Variants in SGCD observed in about 807,000 individuals in gnomAD.
SGCD encodes the protein delta-sarcoglycan.
Under a neutral mutation model 36.6 loss-of-function variants are expected in SGCD, and 18 were observed. The ratio of observed to expected loss-of-function variants is 0.49; its 90% confidence interval spans 0.34 to 0.73. The LOEUF (loss-of-function observed/expected upper bound fraction) is 0.73, where lower values mean the gene tolerates loss of function less well. SGCD is among the 30% of genes least tolerant of loss of function. The pLI is 0.01. For synonymous variants in SGCD, 133 were observed against 130.6 expected, an observed-to-expected ratio of 1.02 and a Z score of -0.12; for missense variants, 387 against 346.7, an observed-to-expected ratio of 1.12 and a Z score of -0.92.
chr5:156,500,643 A>C (rs1463508738), intron 3 of SGCD, among the ~76,000 whole-genome samples: 3 of 152,208 alleles, frequency 2.0e-5, no homozygotes, highest in African/African-American at 7.2e-5. Context: ...TCAAAATATC[A>C]AAAATTGCAC....
chr5:155,944,472 G>A (rs1757398322), intron 1 of SGCD, among the ~76,000 whole-genome samples: 1 of 152,110 alleles, frequency 6.6e-6, no homozygotes, highest in Non-Finnish European at 1.5e-5. Context: ...CTTAATCTAT[G>A]ATAGACATTG....
At chr5:156,032,156 A>G (rs1759361069) in intron 1 of SGCD, among the ~76,000 whole-genome samples, 1 of 152,056 alleles carries the variant, frequency 6.6e-6, no homozygotes, top group Non-Finnish European at 1.5e-5. Flanking sequence ...AAAAAAACCT[A>G]ACAGTATCAT....
chr5:156,531,698 C>T (rs781107285), intron 4 of SGCD, among the ~76,000 whole-genome samples: 3 of 152,056 alleles, frequency 2.0e-5, no homozygotes, highest in Admixed American at 6.6e-5. Flanking sequence ...AACCTTAAAT[C>T]GCCCACAAAA....
At chr5:155,977,621 A>T (rs1009339858) in intron 1 of SGCD, among the ~76,000 whole-genome samples, 1 of 152,244 alleles carries the variant, frequency 6.6e-6, no homozygotes, top group African/African-American at 2.4e-5. Context: ...TACCTATGCC[A>T]TGGTACATGC....
the SGCD span, among the ~76,000 whole-genome samples, chr5:155,847,196 T>C: frequency 1.6e-4 from 25 of 152,206 alleles, no homozygotes; most frequent in African/African-American, 5.8e-4. Context: ...TGAGATCTCA[T>C]GTAATTCTTA....
At position 156,669,247 on chromosome 5, in the gene SGCD, C is replaced by T. The variant is rs1351600381; in HGVS notation, c.575+21711C>T. On this transcript the variant is annotated intron_variant, in intron 7 of 8. Coordinates refer to ENST00000337851, the MANE Select transcript of SGCD (RefSeq NM_000337.6). ...CTGAGTGGGTCCAGAGATCCCACCA[C>T]CAAATCCACCGCAGACTTCAGCACA... Among the ~76,000 whole-genome samples, 62 of 152,086 alleles carry T rather than the reference C, an allele frequency of 4.1e-4. 1 individual carries two copies. Among genetic ancestry groups the T allele is most frequent in the Admixed American group, 3.9e-3 (60 of 15,264 alleles).
intron 3 of SGCD, among the ~76,000 whole-genome samples, chr5:156,414,139 ATACT>A (rs1772909917): frequency 1.3e-5 from 2 of 152,228 alleles, no homozygotes; most frequent in African/African-American, 4.8e-5. Flanking sequence ...GAAAATTAAA[ATACT>A]TAAAGTAGCA....
At chr5:156,752,624 C>G (rs999368277) in intron 7 of SGCD, among the ~76,000 whole-genome samples, 1 of 152,182 alleles carries the variant, frequency 6.6e-6, no homozygotes, top group Non-Finnish European at 1.5e-5. Flanking sequence ...GAACTCCTGA[C>G]CTCAGGTGAT....
intron 6 of SGCD, among the ~76,000 whole-genome samples, chr5:156,620,436 T>A (rs1762199289): frequency 2.0e-5 from 3 of 152,206 alleles, no homozygotes; most frequent in Non-Finnish European, 4.4e-5. Context: ...CAGTGAAATA[T>A]TAAATAGTGA....
intron 1 of SGCD, among the ~76,000 whole-genome samples, chr5:155,922,464 T>C (rs941941633): frequency 6.6e-6 from 1 of 152,192 alleles, no homozygotes; most frequent in Non-Finnish European, 1.5e-5. Context: ...AGCAACAGGA[T>C]AAACATGAAC....
chr5:156,183,344 C>T (rs1196982402), intron 3 of SGCD, among the ~76,000 whole-genome samples: 1 of 152,122 alleles, frequency 6.6e-6, no homozygotes, highest in Non-Finnish European at 1.5e-5. Context: ...AATCACAGTA[C>T]CCCACTTGGC....
chr5:155,841,414 T>C, the SGCD span, among the ~76,000 whole-genome samples: 1 of 152,228 alleles, frequency 6.6e-6, no homozygotes, highest in Non-Finnish European at 1.5e-5. Flanking sequence ...TTTTGGATTT[T>C]TCCCAATTTG....
At chr5:156,161,630 T>C (rs1763088939) in intron 3 of SGCD, among the ~76,000 whole-genome samples, 1 of 151,842 alleles carries the variant, frequency 6.6e-6, no homozygotes, top group African/African-American at 2.4e-5. Context: ...GTTAACTTCT[T>C]AGTCACTGCT....
At chr5:156,169,154 A>G (rs759828215) in intron 3 of SGCD, among the ~76,000 whole-genome samples, 11 of 152,328 alleles carry the variant, frequency 7.2e-5, no homozygotes, top group East Asian at 1.9e-4. Flanking sequence ...TCTGCAACCC[A>G]ACTGCTTCTT....
intron 3 of SGCD, among the ~76,000 whole-genome samples, chr5:156,412,787 C>CTTTTTT: frequency 9.5e-6 from 1 of 105,030 alleles, no homozygotes; most frequent in Non-Finnish European, 1.9e-5. Context: ...AGGGTTGGTT[C>CTTTTTT]TTTTTTTTTT....
intron 3 of SGCD, among the ~76,000 whole-genome samples, chr5:156,204,614 C>G (rs916996265): frequency 6.6e-6 from 1 of 152,036 alleles, no homozygotes; most frequent in African/African-American, 2.4e-5. Context: ...AGTTATGTCA[C>G]CCTTCTCAGC....
chr5:155,903,501 A>G (rs994800174), intron 1 of SGCD, among the ~76,000 whole-genome samples: 1 of 152,118 alleles, frequency 6.6e-6, no homozygotes, highest in African/African-American at 2.4e-5. Context: ...ATGCCCACCC[A>G]TTATTCCAGT....
intron 3 of SGCD, among the ~76,000 whole-genome samples, chr5:156,298,771 T>G (rs1339254293): frequency 6.6e-6 from 1 of 152,002 alleles, no homozygotes; most frequent in Non-Finnish European, 1.5e-5. Context: ...ATTCAGATAT[T>G]TTGCTCATTT....
intron 3 of SGCD, among the ~76,000 whole-genome samples, chr5:156,163,340 C>A (rs1763128806): frequency 6.6e-6 from 1 of 151,554 alleles, no homozygotes. Flanking sequence ...CTGTCAGAGT[C>A]CATGTTTCCG....
Sources: gnomAD v4.1 joint callset for allele counts (sites outside exome capture counted in the v4.1 genomes callset) on GRCh38, gnomAD v4.1.1 for gene constraint, MANE v1.5 for transcripts, NCBI Gene and HGNC (gene_info 2026-07-23, HGNC 2026-07-21) for gene names.